Variants in WDR25 observed in about 807,000 individuals in gnomAD.
WDR25 encodes the protein WD repeat domain 25.
WDR25 carries 35 observed loss-of-function variants against 47.7 expected under a neutral mutation model. The ratio of observed to expected loss-of-function variants is 0.73; its 90% CI spans 0.56 to 0.97. WDR25 has a LOEUF of 0.97. WDR25 is among the 50% of genes least tolerant of loss of function. WDR25 has a pLI of 0.00. For missense variants in WDR25, 634 were observed against 704.7 expected (o/e 0.90, Z 1.14); for synonymous variants, 248 against 278.9 (o/e 0.89, Z 1.10).
chr14:100,388,327 A>C (rs1011927967), intron 2 of WDR25, among the ~76,000 whole-genome samples: 1 of 152,222 alleles, frequency 6.6e-6, no homozygotes, highest in Non-Finnish European at 1.5e-5. Context: ...GTGTGTGCGC[A>C]TGTGCGTGCA....
chr14:100,503,058 CGTGTGTGTGT>C (rs143534778), intron 4 of WDR25, among the ~76,000 whole-genome samples: 1 of 146,752 alleles, frequency 6.8e-6, no homozygotes, highest in South Asian at 2.2e-4. Flanking sequence ...TGTGTGTGTG[CGTGTGTGTGT>C]GTGTGTGTGC....
Position 100,392,525 on chromosome 14 carries a change from A to T in WDR25, c.822+10779A>T, listed in dbSNP as rs1342681102. ...ACCATAAGCAAAATCCACCAACTCG[A>T]CCATACACTGAAATTATCATTATCC... is the stretch of plus-strand genomic sequence containing the variant. On this transcript the variant is annotated intron_variant, in intron 2 of 6. Coordinates refer to ENST00000402312, the MANE Select transcript of WDR25 (RefSeq NM_001161476.3). This position sits in a 1 kb window ranked among gnomAD's most constrained non-coding sequence, Gnocchi z 4.2. Among the ~76,000 whole-genome samples, 1 of 151,756 alleles carries T rather than the reference A, an allele frequency of 6.6e-6. No individual in the cohort carries two copies. The highest frequency in any genetic ancestry group is 2.4e-5 in the African/African-American group (1 of 41,298).
chr14:100,430,656 G>A lies in WDR25; in HGVS notation c.823-37365G>A, dbSNP rs1898304112. On this transcript the variant is annotated intron_variant, in intron 2 of 6. Transcript: ENST00000402312. This position sits in a 1 kb window ranked among gnomAD's most constrained non-coding sequence, Gnocchi z 4.7. ...CAGATGAGGACACTGAGGCACAGTG[G>A]GAACCAGCGGCTGTTATAGGTGACC... Among the ~76,000 whole-genome samples the A allele has an allele frequency of 6.6e-6, 1 of 152,188 alleles. No individual in the cohort carries two copies. Among genetic ancestry groups the A allele is most frequent in the African/African-American group, 2.4e-5 (1 of 41,440 alleles).
intron 2 of WDR25, among the ~76,000 whole-genome samples, chr14:100,461,227 AAAAG>A (rs1389228738): frequency 6.6e-6 from 1 of 152,162 alleles, no homozygotes; most frequent in East Asian, 1.9e-4. Context: ...GAAAGAAAAG[AAAAG>A]AAAAGAAAAT....
At chr14:100,465,518 G>T (rs1206124161) in intron 2 of WDR25, among the ~76,000 whole-genome samples, 1 of 152,190 alleles carries the variant, frequency 6.6e-6, no homozygotes, top group Admixed American at 6.5e-5. Flanking sequence ...TTTCATCCAT[G>T]TTGTAGCAAG....
Position 100,430,151 on chromosome 14 carries a change from G to GGTGTGTGTGT in WDR25, c.823-37845_823-37836dup, listed in dbSNP as rs59318813. 2.8e-3 allele frequency among the ~76,000 whole-genome samples: 410 copies of GGTGTGTGTGT among 146,892 alleles called. 2 individuals are homozygous for GGTGTGTGTGT. The highest frequency in any genetic ancestry group is 9.0e-3 in the African/African-American group (360 of 39,900). ...CAAATCTTGCAGACCAAGGGGGCCT[G>GGTGTGTGTGT]GTGTGTGTGTGTGTGTGTGTGTGTG... On this transcript the variant is annotated intron_variant, in intron 2 of 6. Coordinates refer to ENST00000402312, the MANE Select transcript of WDR25 (RefSeq NM_001161476.3). The surrounding 1 kb of genome is among the most constrained non-coding windows in gnomAD (Gnocchi z 4.7).
Position 100,429,766 on chromosome 14 carries a change from A to G in WDR25, c.823-38255A>G, listed in dbSNP as rs149797239. Among the ~76,000 whole-genome samples the G allele has an allele frequency of 4.3e-3, 640 of 150,478 alleles. 3 individuals are homozygous for G. The highest frequency in any genetic ancestry group is 7.4e-3 in the Non-Finnish European group (503 of 67,674). On this transcript the variant is annotated intron_variant, in intron 2 of 6. Transcript: ENST00000402312. ...GTTGCACACAGCCACCTTCTCCACTATGTGCACACATGGCCTTTCCTTGGT... is the reference window on the plus strand; with the variant it reads ...GTTGCACACAGCCACCTTCTCCACTGTGTGCACACATGGCCTTTCCTTGGT...
chr14:100,419,657 A>G (rs1897972827), intron 2 of WDR25, among the ~76,000 whole-genome samples: 1 of 152,208 alleles, frequency 6.6e-6, no homozygotes, highest in Admixed American at 6.5e-5. Flanking sequence ...TATAATAATT[A>G]TAATTTTGAG....
chr14:100,418,054 G>T (rs1897918863), intron 2 of WDR25, among the ~76,000 whole-genome samples: 1 of 151,056 alleles, frequency 6.6e-6, no homozygotes. Flanking sequence ...CAATTCTCTT[G>T]CTTCAGCCTC....
chr14:100,515,672 A>G (rs1901466235), intron 4 of WDR25, among the ~76,000 whole-genome samples: 1 of 152,098 alleles, frequency 6.6e-6, no homozygotes, highest in Admixed American at 6.6e-5. Context: ...TCTGTCACCC[A>G]GGCTGGAGTG....
chr14:100,517,981 T>C (rs979878686), intron 4 of WDR25, among the ~76,000 whole-genome samples: 1 of 152,234 alleles, frequency 6.6e-6, no homozygotes, highest in Non-Finnish European at 1.5e-5. Flanking sequence ...GACAATGCTA[T>C]ATATTTTTTT....
rs1001207031 is a variant in WDR25, at chr14:100,529,293, T to C, written c.1413+85T>C. On this transcript the variant is annotated intron_variant, in intron 6 of 6. Transcript: ENST00000402312. The surrounding 1 kb of genome is among the most constrained non-coding windows in gnomAD (Gnocchi z 5.1). The stretch of plus-strand genomic sequence containing the variant: ...TCCTGGACATGGGCCCTGGGGTGCA[T>C]GGAGCCTCTGTCTGGGTGGATCCTG... The C allele has an allele frequency of 1.9e-6, 3 of 1,575,632 alleles. No individual in the cohort carries two copies. Among genetic ancestry groups the C allele is most frequent in the Admixed American group, 3.4e-5 (2 of 58,260 alleles).
chr14:100,456,121 G>A (rs1341694614), intron 2 of WDR25, among the ~76,000 whole-genome samples: 1 of 152,180 alleles, frequency 6.6e-6, no homozygotes, highest in Non-Finnish European at 1.5e-5. Context: ...TACTTGCGAG[G>A]ATGAGGTGGG....
At chr14:100,381,873 T>C in intron 2 of WDR25, 127 bp downstream of exon 2, 2 of 805,676 alleles carry the variant, frequency 2.5e-6, no homozygotes, top group South Asian at 3.7e-5. Flanking sequence ...ATTCCCTTTG[T>C]TGCATTCCAG....
rs1900862479 is a variant in WDR25, at chr14:100,499,987, A to T, written c.1101+15863A>T. On this transcript the variant is annotated intron_variant, in intron 4 of 6. Coordinates refer to ENST00000402312, the MANE Select transcript of WDR25 (RefSeq NM_001161476.3). The surrounding 1 kb of genome is among the most constrained non-coding windows in gnomAD (Gnocchi z 4.4). The stretch of plus-strand genomic sequence containing the variant: ...GTGGGGAGACAGAGCTGTCCCTGAG[A>T]TGGGGGATGGTACAAGCATTGGGAA... Among the ~76,000 whole-genome samples the T allele has an allele frequency of 6.6e-6, 1 of 152,044 alleles. No individual in the cohort carries two copies. Among genetic ancestry groups the T allele is most frequent in the Admixed American group, 6.5e-5 (1 of 15,274 alleles).
rs1898629837 is a variant in WDR25 at position 100,440,314 on chromosome 14, T to C, written c.823-27707T>C. 6.6e-6 allele frequency among the ~76,000 whole-genome samples: 1 copy of C among 152,186 alleles called. No individual in the cohort carries two copies. Among genetic ancestry groups the C allele is most frequent in the African/African-American group, 2.4e-5 (1 of 41,436 alleles). Reference sequence around the variant, plus strand: ...TTCTTTGATTGCAAAATAGCTACTCTCAAAATGCAGACAGGCAGCCACAGT... The same window carrying C: ...TTCTTTGATTGCAAAATAGCTACTCCCAAAATGCAGACAGGCAGCCACAGT... On this transcript the variant is annotated intron_variant, in intron 2 of 6. Coordinates refer to ENST00000402312, the MANE Select transcript of WDR25 (RefSeq NM_001161476.3). The surrounding 1 kb of genome is among the most constrained non-coding windows in gnomAD (Gnocchi z 4.4).
chr14:100,520,416 G>A (rs1295388180), intron 4 of WDR25, among the ~76,000 whole-genome samples: 3 of 151,872 alleles, frequency 2.0e-5, no homozygotes, highest in South Asian at 2.1e-4. Flanking sequence ...ACAATGAAAC[G>A]ACTGAAAACA....
At chr14:100,391,816 G>T (rs1897152172) in intron 2 of WDR25, among the ~76,000 whole-genome samples, 1 of 152,164 alleles carries the variant, frequency 6.6e-6, no homozygotes, top group African/African-American at 2.4e-5. Flanking sequence ...CCCTTTCAGG[G>T]GGTCAAAACT....
At chr14:100,505,205 G>A (rs1009454491) in intron 4 of WDR25, among the ~76,000 whole-genome samples, 58 of 152,190 alleles carry the variant, frequency 3.8e-4, no homozygotes, top group African/African-American at 1.3e-3. Context: ...AAGTTTCATA[G>A]TTTTTGCCAT....
Sources: allele counts gnomAD v4.1 joint callset (sites outside exome capture counted in the v4.1 genomes callset), GRCh38; gene constraint gnomAD v4.1.1; non-coding constraint Gnocchi (gnomAD v3.1); transcripts MANE v1.5; gene names NCBI Gene and HGNC (gene_info 2026-07-23, HGNC 2026-07-21).